Variants in RBFOX1 observed in about 807,000 individuals in gnomAD.
RBFOX1 encodes RNA binding fox-1 homolog 1.
RBFOX1 carries 8 observed loss-of-function variants against 57.7 expected under a neutral mutation model. The observed-to-expected ratio is 0.14, with a 90% CI of 0.08 to 0.25. The LOEUF is 0.25. RBFOX1 is among the 10% of genes least tolerant of loss of function. The pLI is 1.00. For missense variants in RBFOX1, 611 were observed against 548.5 expected (o/e 1.11, Z -1.14); for synonymous variants, 326 against 222.4 (o/e 1.47, Z -4.15).
At chr16:6,244,841 T>C (rs1457991899) in intron 1 of RBFOX1, among the ~76,000 whole-genome samples, 3 of 152,200 alleles carry the variant, frequency 2.0e-5, no homozygotes, top group African/African-American at 7.2e-5. Context: ...TTTGGTGTGC[T>C]GTTTTCTCCT....
chr16:6,195,635 C>T (rs1327863834), intron 1 of RBFOX1, among the ~76,000 whole-genome samples: 1 of 151,832 alleles, frequency 6.6e-6, no homozygotes. Flanking sequence ...AGGAGAATCA[C>T]TTGAACCCGG....
At chr16:5,876,604 C>T (rs1447076873) in intron 4 of RBFOX1, among the ~76,000 whole-genome samples, 2 of 152,186 alleles carry the variant, frequency 1.3e-5, no homozygotes, top group African/African-American at 4.8e-5. Flanking sequence ...TCGTTGACTG[C>T]CTGTTTTAAG....
At chr16:7,619,019 A>C (rs1362196584) in intron 10 of RBFOX1, among the ~76,000 whole-genome samples, 1 of 152,232 alleles carries the variant, frequency 6.6e-6, no homozygotes, top group Non-Finnish European at 1.5e-5. Context: ...TTTTTCATTA[A>C]ACTGTATACC....
intron 4 of RBFOX1, among the ~76,000 whole-genome samples, chr16:7,285,841 T>A (rs2095640753): frequency 1.3e-5 from 2 of 152,228 alleles, no homozygotes; most frequent in Admixed American, 1.3e-4. Context: ...CTGTTACAAA[T>A]CTTCAAGTGC....
At chr16:7,602,631 G>T (rs184339115) in intron 9 of RBFOX1, among the ~76,000 whole-genome samples, 4 of 152,318 alleles carry the variant, frequency 2.6e-5, no homozygotes, top group East Asian at 3.9e-4. Flanking sequence ...CACAGGGAAT[G>T]TGGGTTCATT....
rs150350396 is a variant in RBFOX1 at position 7,301,938 on chromosome 16, A to T, written c.28-216209A>T. Among the ~76,000 whole-genome samples the T allele has an allele frequency of 3.0e-3, 455 of 152,296 alleles. 1 individual carries two copies. The highest frequency in any genetic ancestry group is 9.8e-3 in the African/African-American group (408 of 41,572). On this transcript the variant is annotated intron_variant, in intron 4 of 15. Coordinates refer to ENST00000550418, the MANE Select transcript of RBFOX1 (RefSeq NM_018723.4). ...AATAAATAAATAAAGGCAGGTAGGA[A>T]GTAAGAGAAGAAAAGAGGGAATTCT...
intron 5 of RBFOX1, among the ~76,000 whole-genome samples, chr16:7,528,324 G>C (rs896080048): frequency 6.6e-6 from 1 of 152,158 alleles, no homozygotes; most frequent in African/African-American, 2.4e-5. Flanking sequence ...GGATGACTAA[G>C]CAGTCTCTAT....
intron 1 of RBFOX1, among the ~76,000 whole-genome samples, chr16:5,296,987 A>G (rs2063685778): frequency 6.6e-6 from 1 of 151,962 alleles, no homozygotes; most frequent in African/African-American, 2.4e-5. Flanking sequence ...ACTTTTTTAG[A>G]TTCCACATGT....
At chr16:6,545,146 A>G (rs941172718) in intron 2 of RBFOX1, among the ~76,000 whole-genome samples, 3 of 152,084 alleles carry the variant, frequency 2.0e-5, no homozygotes, top group Non-Finnish European at 4.4e-5. Context: ...CCCTAGCGCC[A>G]TTTTTGCCAC....
intron 3 of RBFOX1, among the ~76,000 whole-genome samples, chr16:5,661,858 T>C (rs1236102240): frequency 6.6e-6 from 1 of 151,438 alleles, no homozygotes; most frequent in Non-Finnish European, 1.5e-5. Context: ...AGATCTCGGC[T>C]CACTGCAACC....
chr16:7,525,038 A>G (rs760509645), intron 5 of RBFOX1, among the ~76,000 whole-genome samples: 10 of 152,228 alleles, frequency 6.6e-5, no homozygotes, highest in African/African-American at 1.9e-4. Flanking sequence ...TGTGCCAGAA[A>G]TGAGTTACTA....
intron 1 of RBFOX1, among the ~76,000 whole-genome samples, chr16:5,301,618 C>CAAAAAAAAAAAAAAAAAAAAA (rs60501583): frequency 2.3e-5 from 2 of 87,050 alleles, no homozygotes; most frequent in Non-Finnish European, 2.1e-5. Flanking sequence ...GTCTCCATCT[C>CAAAAAAAAAAAAAAAAAAAAA]AAAAAAAAAA....
intron 3 of RBFOX1, among the ~76,000 whole-genome samples, chr16:6,685,584 G>C (rs1417118570): frequency 1.3e-5 from 2 of 151,772 alleles, no homozygotes; most frequent in African/African-American, 4.8e-5. Flanking sequence ...CACTGTGTCT[G>C]GCCAAGAGTT....
At chr16:6,615,692 AG>A (rs1163508187) in intron 2 of RBFOX1, among the ~76,000 whole-genome samples, 1 of 152,130 alleles carries the variant, frequency 6.6e-6, no homozygotes, top group Non-Finnish European at 1.5e-5. Flanking sequence ...TTCCCTCTCC[AG>A]GAGAACATCA....
chr16:6,331,764 C>A (rs887742535), intron 2 of RBFOX1, among the ~76,000 whole-genome samples: 12 of 107,982 alleles, frequency 1.1e-4, no homozygotes, highest in South Asian at 9.0e-4. Flanking sequence ...TTTGTTTCAC[C>A]TTTTTTTAAA....
At chr16:7,035,731 C>G (rs989293009) in intron 3 of RBFOX1, among the ~76,000 whole-genome samples, 1 of 152,178 alleles carries the variant, frequency 6.6e-6, no homozygotes, top group East Asian at 1.9e-4. Flanking sequence ...TAGCAATTAA[C>G]ATGAATGCCT....
chr16:7,183,175 T>A (rs899474159), intron 4 of RBFOX1, among the ~76,000 whole-genome samples: 1 of 152,060 alleles, frequency 6.6e-6, no homozygotes, highest in African/African-American at 2.4e-5. Flanking sequence ...GTGGGTTGAG[T>A]CAGATAGAAC....
At chr16:5,525,904 C>A (rs72761072) in intron 2 of RBFOX1, among the ~76,000 whole-genome samples, 1 of 152,080 alleles carries the variant, frequency 6.6e-6, no homozygotes, top group African/African-American at 2.4e-5. Flanking sequence ...ATAAAAACAT[C>A]GAAGGCTAGT....
chr16:5,983,468 C>G (rs58294264), intron 4 of RBFOX1, among the ~76,000 whole-genome samples: 37,967 of 152,018 alleles, frequency 0.25, 5,475 homozygotes, highest in East Asian at 0.62. Context: ...GGCACTGACT[C>G]ATGGAACCTT....
Sources: allele counts gnomAD v4.1 joint callset (sites outside exome capture counted in the v4.1 genomes callset), GRCh38; gene constraint gnomAD v4.1.1; transcripts MANE v1.5; gene names NCBI Gene and HGNC (gene_info 2026-07-23, HGNC 2026-07-21).